CDK12: variants seen among roughly 807,000 people sequenced by gnomAD.
CDK12 encodes cyclin-dependent kinase 12.
CDK12 carries 17 observed loss-of-function variants against 133.8 expected under a neutral mutation model. That is an observed-to-expected ratio of 0.13 (90% CI 0.09 to 0.19). The LOEUF is 0.19. Among genes scored for constraint, CDK12 ranks in the 10% least tolerant of loss-of-function variants. The probability of loss-of-function intolerance (pLI) is 1.00; values close to 1 mark genes in which losing one functional copy is unlikely to be tolerated. For missense variants in CDK12, 1,508 were observed against 1,818.7 expected (o/e 0.83, Z 3.11); for synonymous variants, 694 against 683.6 (o/e 1.02, Z -0.24).
At chr17:39,487,737 A>G (rs1159457846) in intron 2 of CDK12, among the ~76,000 whole-genome samples, 1 of 151,438 alleles carries the variant, frequency 6.6e-6, no homozygotes, top group Non-Finnish European at 1.5e-5. Context: ...ATGCCTCACA[A>G]GTAGCTGGAA....
chr17:39,468,930 G>A lies in CDK12; in HGVS notation c.1047-1949G>A, dbSNP rs1393074575. Reference sequence around the variant, plus strand: ...TGCAACCTCCGCCTCCTGGGTTCAAGTGATTCTCCTCCCTCAGCCTCCCAA... The same window carrying A: ...TGCAACCTCCGCCTCCTGGGTTCAAATGATTCTCCTCCCTCAGCCTCCCAA... On this transcript the variant is annotated intron_variant, in intron 1 of 13. Coordinates refer to ENST00000447079, the MANE Select transcript of CDK12 (RefSeq NM_016507.4). Among the ~76,000 whole-genome samples, 5 of 152,064 alleles carry A rather than the reference G, an allele frequency of 3.3e-5. No individual in the cohort carries two copies. In the East Asian group the frequency reaches 5.8e-4, roughly 18 times the overall value.
chr17:39,483,712 T>TTATC (rs2050903644), intron 2 of CDK12, among the ~76,000 whole-genome samples: 1 of 151,202 alleles, frequency 6.6e-6, no homozygotes, highest in Non-Finnish European at 1.5e-5. Context: ...ATTTATTTAT[T>TTATC]TATTTATTTA....
At chr17:39,497,368 AC>A (rs2052209493) in intron 5 of CDK12, among the ~76,000 whole-genome samples, 2 of 146,086 alleles carry the variant, frequency 1.4e-5, no homozygotes, top group South Asian at 4.4e-4. Flanking sequence ...ACATGGTGAA[AC>A]CCCTCTCTAC....
At position 39,471,069 on chromosome 17, in the gene CDK12, G is replaced by T; in HGVS notation, c.1237G>T (p.Ala413Ser). Residue 413 changes from alanine (A) to serine (S), a missense_variant, in exon 2 of 14, where the codon GCA (alanine) becomes TCA (serine). Transcript: ENST00000447079. Reference protein sequence around the residue: ...KKERAAAAAAAKMDGKESKGS... With the variant: ...KKERAAAAAASKMDGKESKGS... ...GGAAAGAGCAGCTGCTGCTGCTGCA[G>T]CAAAGATGGATGGAAAGGAGTCCAA... The T allele has an allele frequency of 6.2e-7, 1 of 1,613,444 alleles. No individual in the cohort carries two copies. Among genetic ancestry groups the T allele is most frequent in the Non-Finnish European group, 8.5e-7 (1 of 1,179,570 alleles).
intron 5 of CDK12, among the ~76,000 whole-genome samples, chr17:39,500,753 G>A (rs919073421): frequency 7.9e-5 from 12 of 151,088 alleles, no homozygotes; most frequent in Non-Finnish European, 1.8e-4. Flanking sequence ...TTGAGAAGGA[G>A]TCTTGCTTTG....
In CDK12 at chr17:39,462,623, C is replaced by G. The variant is rs2144886579; in HGVS notation, c.552C>G (p.Thr184=). ...CATCCAAGCTCCACAAGGAGAAGAC[C>G]AGGAAAGAACGGGAGCTGAAGTCTG... is the stretch of plus-strand genomic sequence containing the variant. ...SRSSKLHKEK[T]RKERELKSGH... The change falls in exon 1 of 14, where the codon ACC becomes ACG. Residue 184 remains threonine, a synonymous_variant. Transcript: ENST00000447079. 2 of 1,613,956 alleles carry G rather than the reference C, an allele frequency of 1.2e-6. No homozygotes were observed. The highest frequency in any genetic ancestry group is 2.2e-5 in the South Asian group (2 of 91,066).
intron 2 of CDK12, among the ~76,000 whole-genome samples, chr17:39,489,343 T>G (rs766814315): frequency 3.5e-4 from 53 of 151,938 alleles, no homozygotes; most frequent in Middle Eastern, 3.2e-3. Context: ...GTGCTAAGAT[T>G]ACAGGCGTGA....
rs1043682688 is a variant in CDK12 at position 39,533,770 on chromosome 17, G to A, written c.*2454G>A. 3.4e-5 allele frequency: 8 copies of A among 232,252 alleles called. No homozygotes were observed. The highest frequency in any genetic ancestry group is 6.8e-5 in the Non-Finnish European group (8 of 117,588). The allele number at this position is 232,252 out of a possible 1,614,324, so 14.4% of individuals were successfully genotyped here. On this transcript the variant is annotated 3_prime_UTR_variant, in exon 14 of 14. Transcript: ENST00000447079. ...TTTAAAATGAAAACAAAGTTTGGTA[G>A]TTTTGACTATTTCTAAAAGCAGAGG...
chr17:39,475,821 A>G (rs1284317159), intron 2 of CDK12, among the ~76,000 whole-genome samples: 1 of 152,026 alleles, frequency 6.6e-6, no homozygotes, highest in African/African-American at 2.4e-5. Flanking sequence ...CTGAGATTAC[A>G]GGTGTGAGCC....
At chr17:39,488,600 A>G (rs1361776125) in intron 2 of CDK12, among the ~76,000 whole-genome samples, 5 of 152,034 alleles carry the variant, frequency 3.3e-5, no homozygotes, top group African/African-American at 1.2e-4. Flanking sequence ...AGATTTTTGC[A>G]CCTCTTTAGC....
intron 1 of CDK12, among the ~76,000 whole-genome samples, chr17:39,539,668 C>G (rs1464602233): frequency 6.6e-6 from 1 of 152,076 alleles, no homozygotes; most frequent in African/African-American, 2.4e-5. Context: ...AGTCTTACAG[C>G]TGGTGGAGAG....
downstream of CDK12, among the ~76,000 whole-genome samples, chr17:39,565,326 G>A (rs1371606609): frequency 6.6e-6 from 1 of 152,008 alleles, no homozygotes; most frequent in East Asian, 1.9e-4. Context: ...ATGTTAGCCA[G>A]GATGGTCTCG....
chr17:39,533,458 G>A lies in CDK12; in HGVS notation c.*2142G>A, dbSNP rs1452813814. 3 of 232,948 alleles carry A rather than the reference G, an allele frequency of 1.3e-5. No individual in the cohort carries two copies. The highest frequency in any genetic ancestry group is 5.6e-5 in the Admixed American group (1 of 17,766). 14.4% of individuals were successfully genotyped at this position (232,948 alleles called of 1,614,324 possible). ...CACTCCCTGTTTTTTATTAAAGAACGTGAGCCTGGGATACTTTCAGAAGTA... is the reference window on the plus strand; with the variant it reads ...CACTCCCTGTTTTTTATTAAAGAACATGAGCCTGGGATACTTTCAGAAGTA... On this transcript the variant is annotated 3_prime_UTR_variant, in exon 14 of 14. Transcript: ENST00000447079.
rs1164373930 is a variant in CDK12 at position 39,501,334 on chromosome 17, A to G, written c.2504A>G (p.His835Arg). 2.5e-6 allele frequency: 4 copies of G among 1,613,772 alleles called. No homozygotes were observed. Among genetic ancestry groups the G allele is most frequent in the Non-Finnish European group, 3.4e-6 (4 of 1,179,778 alleles). Residue 835 changes from histidine to arginine, a missense_variant, in exon 6 of 14, where the codon CAT becomes CGT. Physicochemically the swap from His to Arg is conservative, Grantham distance 29. Coordinates refer to ENST00000447079, the MANE Select transcript of CDK12 (RefSeq NM_016507.4). ...GGTTTGGTGCACTTTTCTGAGGACC[A>G]TATCAAGTCGTTCATGAAACAGCTA... ...ESGLVHFSED[H>R]IKSFMKQLME... is the part of the protein sequence containing the mutation.
At chr17:39,473,884 CAA>C (rs77692428) in intron 2 of CDK12, among the ~76,000 whole-genome samples, 10 of 137,142 alleles carry the variant, frequency 7.3e-5, no homozygotes, top group Non-Finnish European at 4.8e-5. Flanking sequence ...GACTCCGTCT[CAA>C]AAAAAAAAAA....
chr17:39,554,498 C>A (rs748026429), intron 2 of CDK12, among the ~76,000 whole-genome samples: 1 of 152,070 alleles, frequency 6.6e-6, no homozygotes, highest in Non-Finnish European at 1.5e-5. Flanking sequence ...GAGGTCACAC[C>A]AGGAGAAAGA....
At chr17:39,493,518 A>G (rs2051813852) in intron 4 of CDK12, among the ~76,000 whole-genome samples, 1 of 150,296 alleles carries the variant, frequency 6.7e-6, no homozygotes, top group Non-Finnish European at 1.5e-5. Flanking sequence ...CATGTTGGCC[A>G]GGCAGTCTTG....
rs1598030674 is a variant in CDK12, at chr17:39,492,080, C to T, written c.2109-671C>T. ...CATAAAAGAATCCTTTTTTCTTTGA[C>T]TCGATTTCATTTTCTTTTCTTTTTT... On this transcript the variant is annotated intron_variant, in intron 3 of 13. Transcript: ENST00000447079. Among the ~76,000 whole-genome samples the T allele has an allele frequency of 2.1e-5, 3 of 145,784 alleles. No individual in the cohort carries two copies. In the South Asian group the frequency reaches 6.4e-4, roughly 31 times the overall value.
chr17:39,561,322 G>A (rs2056366171), intron 3 of CDK12, among the ~76,000 whole-genome samples: 1 of 152,148 alleles, frequency 6.6e-6, no homozygotes, highest in Non-Finnish European at 1.5e-5. Context: ...TGTTGTTTTT[G>A]AACAGGGGAA....
Sources: allele counts gnomAD v4.1 joint callset (sites outside exome capture counted in the v4.1 genomes callset), GRCh38; gene constraint gnomAD v4.1.1; transcripts MANE v1.5; gene names NCBI Gene and HGNC (gene_info 2026-07-23, HGNC 2026-07-21).